DEDD2: variants seen among roughly 807,000 people sequenced by gnomAD.
DEDD2 encodes DNA-binding death effector domain-containing protein 2.
Under a neutral mutation model 28.9 loss-of-function variants are expected in DEDD2, and 18 were observed. The observed-to-expected ratio is 0.62, with a 90% CI of 0.43 to 0.92. DEDD2 has a LOEUF of 0.92. Among genes scored for constraint, DEDD2 ranks in the 40% least tolerant of loss-of-function variants. The probability of loss-of-function intolerance (pLI) is 0.00; values close to 1 mark genes in which losing one functional copy is unlikely to be tolerated. For synonymous variants in DEDD2, 211 were observed against 206.1 expected, an observed-to-expected ratio of 1.02 and a Z score of -0.20; for missense variants, 411 against 463.3, an observed-to-expected ratio of 0.89 and a Z score of 1.04.
At chr19:42,202,165 G>A (rs758113613) in intron 4 of DEDD2, 5 of 398,216 alleles carry the variant, frequency 1.3e-5, no homozygotes, top group African/African-American at 2.1e-5. Flanking sequence ...ACAGCCCTAC[G>A]ACAAAGAAGG....
In DEDD2 at chr19:42,217,032, G is replaced by C; in HGVS notation, c.-25C>G. On this transcript the variant is annotated 5_prime_UTR_variant, in exon 2 of 5. Transcript: ENST00000596251. ...TTCCCGGGGGAGGGAGGCGGAACAA[G>C]CTCAGAACCCGGCCTAGAACCCACA... The C allele has an allele frequency of 6.4e-7, 1 of 1,558,746 alleles. No homozygotes were observed. The highest frequency in any genetic ancestry group is 8.7e-7 in the Non-Finnish European group (1 of 1,151,764).
chr19:42,202,189 G>C (rs1029912309), intron 4 of DEDD2: 1 of 397,800 alleles, frequency 2.5e-6, no homozygotes, highest in Non-Finnish European at 4.4e-6. Flanking sequence ...CCAGAAACAG[G>C]AACTGTAATT....
intron 4 of DEDD2, among the ~76,000 whole-genome samples, chr19:42,200,748 T>C (rs1423650444): frequency 6.6e-6 from 1 of 152,220 alleles, no homozygotes; most frequent in Non-Finnish European, 1.5e-5. Context: ...AGCTGGATTT[T>C]CAGCTACACT....
In DEDD2 at chr19:42,209,696, C is replaced by T; in HGVS notation, c.589+4G>A. The stretch of plus-strand genomic sequence containing the variant: ...ATGCATTGCCAAAGCCTACAGACAC[C>T]TACCACAGGTCACTTTGCCTTCAGA... On this transcript the variant is annotated splice_donor_region_variant and intron_variant, in intron 4 of 4. Transcript: ENST00000596251. 6.2e-7 allele frequency: 1 copy of T among 1,608,494 alleles called. No homozygotes were observed. The highest frequency in any genetic ancestry group is 1.1e-5 in the South Asian group (1 of 90,730).
chr19:42,212,636 T>C (rs1252857747), intron 3 of DEDD2, among the ~76,000 whole-genome samples: 1 of 152,058 alleles, frequency 6.6e-6, no homozygotes, highest in Non-Finnish European at 1.5e-5. Flanking sequence ...GGCTAATTTT[T>C]ATATTTTTTA....
intron 4 of DEDD2, among the ~76,000 whole-genome samples, chr19:42,207,171 C>T (rs1049966807): frequency 6.6e-6 from 1 of 152,144 alleles, no homozygotes; most frequent in Non-Finnish European, 1.5e-5. Context: ...CCGCGCAAGC[C>T]CACATAGCTG....
rs779540484 is a variant in DEDD2, at chr19:42,199,490, C to A, written c.929G>T (p.Arg310Leu). The change falls in exon 5 of 5, where the codon CGC becomes CTC. Residue 310 changes from arginine (R) to leucine (L), a missense_variant. Around this residue, in one of 2 missense-constraint regions of DEDD2, gnomAD observed 129 missense variants for 189.9 expected, o/e 0.68. Coordinates refer to ENST00000596251, the MANE Select transcript of DEDD2 (RefSeq NM_133328.4). This position sits in a 1 kb window ranked among gnomAD's most constrained non-coding sequence, Gnocchi z 7.4. ...CCCTTCCTCCTCCATCAGCAACAGG[C>A]GGCGCCGGCCAGCCTCATAGTCAGC... ...DEADYEAGRRRLLLMEEEGGR... is the reference protein window; with the variant it reads ...DEADYEAGRRLLLLMEEEGGR... 1 of 1,612,652 alleles carries A rather than the reference C, an allele frequency of 6.2e-7. No homozygotes were observed. The highest frequency in any genetic ancestry group is 1.3e-5 in the African/African-American group (1 of 75,044).
At chr19:42,218,515 C>G (rs576047547), upstream of DEDD2, among the ~76,000 whole-genome samples, 1 of 152,236 alleles carries the variant, frequency 6.6e-6, no homozygotes, top group South Asian at 2.1e-4. Context: ...GTCAGGGAGT[C>G]TAGGCTGTGG....
chr19:42,207,824 T>G (rs1404173381), intron 4 of DEDD2, among the ~76,000 whole-genome samples: 1 of 141,158 alleles, frequency 7.1e-6, no homozygotes, highest in Non-Finnish European at 1.5e-5. Context: ...ACCTGCCTCA[T>G]CTCCCCCTGC....
At chr19:42,203,360 G>A (rs1052255490) in intron 4 of DEDD2, among the ~76,000 whole-genome samples, 4 of 152,180 alleles carry the variant, frequency 2.6e-5, no homozygotes, top group Non-Finnish European at 5.9e-5. Flanking sequence ...GGACAAGTAG[G>A]TTTAGAAAGA....
In DEDD2 at chr19:42,199,802, T is replaced by C; in HGVS notation, c.617A>G (p.Tyr206Cys). ...CDIRLRVRAE[Y>C]CEHGPALEQG... The stretch of plus-strand genomic sequence containing the variant: ...CTCCAAGGCTGGCCCATGCTCGCAG[T>C]ACTCTGCTCGAACCCGGAGCCGGAT... Residue 206 changes from tyrosine to cysteine, a missense_variant, in exon 5 of 5, where the codon TAC (tyrosine) becomes TGC (cysteine). Transcript: ENST00000596251. This position sits in a 1 kb window ranked among gnomAD's most constrained non-coding sequence, Gnocchi z 7.4. The C allele has an allele frequency of 6.2e-7, 1 of 1,601,298 alleles. No individual in the cohort carries two copies.
intron 4 of DEDD2, among the ~76,000 whole-genome samples, chr19:42,204,277 G>A (rs893355733): frequency 6.6e-6 from 1 of 152,194 alleles, no homozygotes; most frequent in Admixed American, 6.5e-5. Context: ...AGGTTTGGAT[G>A]TATGTTCTCT....
At position 42,199,605 on chromosome 19, in the gene DEDD2, G is replaced by C; in HGVS notation, c.814C>G (p.Leu272Val). Residue 272 changes from leucine to valine, a missense_variant, in exon 5 of 5, where the codon CTG becomes GTG. Coordinates refer to ENST00000596251, the MANE Select transcript of DEDD2 (RefSeq NM_133328.4). The surrounding 1 kb of genome is among the most constrained non-coding windows in gnomAD (Gnocchi z 7.4). ...FWGDYLSGAL[L>V]QALRGVFLTE... is the part of the protein sequence containing the mutation. Reference sequence around the variant, plus strand: ...AGGAACACGCCCCGCAGGGCCTGCAGCAGGGCGCCACTCAGGTAGTCGCCC... The same window carrying C: ...AGGAACACGCCCCGCAGGGCCTGCACCAGGGCGCCACTCAGGTAGTCGCCC... The C allele has an allele frequency of 6.2e-7, 1 of 1,614,134 alleles. No individual in the cohort carries two copies. The highest frequency in any genetic ancestry group is 1.3e-5 in the African/African-American group (1 of 75,066).
intron 3 of DEDD2, among the ~76,000 whole-genome samples, chr19:42,211,520 A>G (rs561029847): frequency 6.6e-6 from 1 of 152,324 alleles, no homozygotes; most frequent in South Asian, 2.1e-4. Flanking sequence ...GAATACTCAG[A>G]TGAAACAATT....
At chr19:42,206,162 TAA>T (rs796793597) in intron 4 of DEDD2, among the ~76,000 whole-genome samples, 6 of 136,520 alleles carry the variant, frequency 4.4e-5, no homozygotes, top group African/African-American at 2.7e-5. Flanking sequence ...CTTTCCATAA[TAA>T]AAAAAAAAAA....
upstream of DEDD2, among the ~76,000 whole-genome samples, chr19:42,218,761 G>A (rs903810916): frequency 7.2e-5 from 11 of 152,242 alleles, no homozygotes; most frequent in African/African-American, 2.7e-4. Context: ...GGCTGCGCGC[G>A]GTAGCTCACG....
At chr19:42,204,850 CCA>C (rs2035469216) in intron 4 of DEDD2, among the ~76,000 whole-genome samples, 1 of 150,952 alleles carries the variant, frequency 6.6e-6, no homozygotes, top group African/African-American at 2.4e-5. Flanking sequence ...CGTCTCTTCT[CCA>C]CAACAAAGCC....
At chr19:42,217,979 C>A (rs1445470867), upstream of DEDD2, among the ~76,000 whole-genome samples, 1 of 152,228 alleles carries the variant, frequency 6.6e-6, no homozygotes, top group Non-Finnish European at 1.5e-5. Flanking sequence ...CGCCACGTCA[C>A]GAGTAGTTGT....
At position 42,216,842 on chromosome 19, in the gene DEDD2, C is replaced by G; in HGVS notation, c.166G>C (p.Ala56Pro). ...AFLLDEAPGA[A>P]GGLARARSGL... ...CTGCGGGCCCGGGCTAAGCCTCCGG[C>G]GGCGCCAGGAGCCTCATCCAGCAGA... The change falls in exon 2 of 5, where the codon GCC becomes CCC. Residue 56 changes from alanine (A) to proline (P), a missense_variant. Ala to Pro is a conservative substitution (Grantham distance 27). Around this residue, in one of 2 missense-constraint regions of DEDD2, gnomAD observed 282 missense variants for 273.4 expected, o/e 1.03. Transcript: ENST00000596251. 1 of 1,587,980 alleles carries G rather than the reference C, an allele frequency of 6.3e-7. No individual in the cohort carries two copies. Among genetic ancestry groups the G allele is most frequent in the Non-Finnish European group, 8.6e-7 (1 of 1,167,738 alleles).
Sources: gnomAD v4.1 joint callset for allele counts (sites outside exome capture counted in the v4.1 genomes callset) on GRCh38, gnomAD v4.1.1 for gene constraint, gnomAD v4.1.1 regional missense constraint, Gnocchi (gnomAD v3.1) non-coding constraint, MANE v1.5 for transcripts, NCBI Gene and HGNC (gene_info 2026-07-23, HGNC 2026-07-21) for gene names.